GALK2: variants seen among roughly 807,000 people sequenced by gnomAD.
GALK2 encodes N-acetylgalactosamine kinase.
GALK2 carries 36 observed loss-of-function variants against 52.4 expected under a neutral mutation model. The ratio of observed to expected loss-of-function variants is 0.69; its 90% CI spans 0.53 to 0.91. The LOEUF (loss-of-function observed/expected upper bound fraction) is 0.91, where lower values mean the gene tolerates loss of function less well. Among genes scored for constraint, GALK2 ranks in the 40% least tolerant of loss-of-function variants. The pLI, the probability that GALK2 is intolerant of heterozygous loss-of-function variation, is 0.00. For synonymous variants in GALK2, 176 were observed against 199.1 expected (o/e 0.88, Z 0.98); for missense variants, 579 against 559.1 (o/e 1.04, Z -0.36).
At chr15:49,166,437 G>A (rs1486754082), upstream of GALK2, among the ~76,000 whole-genome samples, 1 of 152,114 alleles carries the variant, frequency 6.6e-6, no homozygotes, top group Non-Finnish European at 1.5e-5. Context: ...AAGAATAAGG[G>A]GCCGGGTGCA....
At chr15:49,179,574 C>T (rs2141212909) in intron 1 of GALK2, among the ~76,000 whole-genome samples, 1 of 151,878 alleles carries the variant, frequency 6.6e-6, no homozygotes, top group Admixed American at 6.6e-5. Flanking sequence ...TATTAAAGTC[C>T]ATTTCATTCA....
chr15:49,258,841 A>T (rs2091946147), intron 5 of GALK2, among the ~76,000 whole-genome samples: 2 of 149,164 alleles, frequency 1.3e-5, no homozygotes, highest in African/African-American at 5.0e-5. Context: ...AGAGAGAGAG[A>T]GAGAGAGAGA....
At chr15:49,176,114 G>A (rs771023959) in intron 1 of GALK2, among the ~76,000 whole-genome samples, 35 of 152,368 alleles carry the variant, frequency 2.3e-4, no homozygotes, top group Middle Eastern at 3.4e-3. Flanking sequence ...AGATTTATCA[G>A]GCCCAGAGAG....
At position 49,239,172 on chromosome 15, in the gene GALK2, C is replaced by T. The variant is rs1045874340; in HGVS notation, c.358-49C>T. On this transcript the variant is annotated intron_variant, in intron 4 of 9. Coordinates refer to ENST00000560031, the MANE Select transcript of GALK2 (RefSeq NM_002044.4). ...GGAATGAAAGAAGCTTTCACTACTCCTTGAATTCAATACTGAATTACTGTT... is the reference window on the plus strand; with the variant it reads ...GGAATGAAAGAAGCTTTCACTACTCTTTGAATTCAATACTGAATTACTGTT... The T allele has an allele frequency of 5.8e-6, 9 of 1,555,324 alleles. No individual in the cohort carries two copies. The African/African-American group carries it at 1.2e-4, about 21-fold the overall frequency.
chr15:49,169,234 C>G (rs543072497), upstream of GALK2: 406 of 152,154 alleles, frequency 2.7e-3, 3 homozygotes, highest in Non-Finnish European at 4.8e-3. Flanking sequence ...GCTACTACCC[C>G]TAGTGTGTTG....
intron 3 of GALK2, among the ~76,000 whole-genome samples, chr15:49,354,590 G>T (rs985355966): frequency 1.3e-5 from 2 of 152,184 alleles, no homozygotes; most frequent in African/African-American, 2.4e-5. Context: ...TGGCTGGAAG[G>T]GTCCTACGCC....
intron 6 of GALK2, 74 bp from the exon 7 acceptor site, chr15:49,283,492 A>G: frequency 7.6e-7 from 1 of 1,315,516 alleles, no homozygotes; most frequent in Non-Finnish European, 1.1e-6. Context: ...ACACTTTAAG[A>G]TAAATACATA....
At chr15:49,230,559 A>G (rs967648665) in intron 3 of GALK2, among the ~76,000 whole-genome samples, 3 of 152,064 alleles carry the variant, frequency 2.0e-5, no homozygotes, top group South Asian at 2.1e-4. Context: ...GTTCTTCTTT[A>G]TGGAGGAGGC....
chr15:49,292,438 CT>C lies in GALK2; in HGVS notation c.870del (p.His291IlefsTer26). On this transcript the variant is annotated frameshift_variant, in exon 8 of 10. Transcript: ENST00000560031. LOFTEE classifies it high-confidence loss of function. Reference protein sequence around the residue: ...EEMLLVTEDALHPEPYNPEEI... With the variant: ...EEMLLVTEDAXHPEPYNPEEI... ...AATGCTGTTGGTCACAGAAGATGCC[CT>C]TCATCCTGAACCCTATAACCCTGAG... 1 of 1,614,018 alleles carries C rather than the reference CT, an allele frequency of 6.2e-7. No individual in the cohort carries two copies. Among genetic ancestry groups the C allele is most frequent in the Non-Finnish European group, 8.5e-7 (1 of 1,179,952 alleles).
intron 5 of GALK2, among the ~76,000 whole-genome samples, chr15:49,240,184 T>G (rs1382953485): frequency 6.6e-6 from 1 of 152,180 alleles, no homozygotes; most frequent in Non-Finnish European, 1.5e-5. Flanking sequence ...TGTGTAAGTG[T>G]ACATTAATTA....
At chr15:49,225,684 C>T (rs935723649) in intron 3 of GALK2, among the ~76,000 whole-genome samples, 2 of 152,244 alleles carry the variant, frequency 1.3e-5, no homozygotes, top group African/African-American at 4.8e-5. Flanking sequence ...TTTCACTCCT[C>T]TCTGTCTTCT....
chr15:49,291,893 T>C (rs561975119), intron 7 of GALK2, among the ~76,000 whole-genome samples: 64 of 152,304 alleles, frequency 4.2e-4, no homozygotes, highest in Non-Finnish European at 8.2e-4. Flanking sequence ...AGTACCCTAA[T>C]TGGATGTACA....
At chr15:49,317,994 C>T (rs901521775) in intron 8 of GALK2, 4 of 151,878 alleles carry the variant, frequency 2.6e-5, no homozygotes, top group African/African-American at 9.7e-5. Context: ...ACCACCATGG[C>T]ATGGTATATC....
rs780775645 is a variant in GALK2 at position 49,328,074 on chromosome 15, G to A, written c.1292G>A (p.Arg431Lys). 65 of 1,614,076 alleles carry A rather than the reference G, an allele frequency of 4.0e-5. No homozygotes were observed. Among genetic ancestry groups the A allele is most frequent in the African/African-American group, 5.3e-5 (4 of 75,026 alleles). ...LANVHKAYYQ[R>K]SDGSLAPEKQ... ...AATGTGCACAAAGCTTATTACCAGA[G>A]GAGTGATGGAAGCTTAGCACCGGAG... is the stretch of plus-strand genomic sequence containing the variant. The change falls in exon 10 of 10, where the codon AGG becomes AAG. Residue 431 changes from arginine (R) to lysine (K), a missense_variant. Transcript: ENST00000560031.
chr15:49,180,338 TG>T (rs2085861839), intron 1 of GALK2, among the ~76,000 whole-genome samples: 1 of 152,212 alleles, frequency 6.6e-6, no homozygotes, highest in Admixed American at 6.5e-5. Context: ...ACCAGCAAAG[TG>T]GGAGTTGTAC....
intron 3 of GALK2, among the ~76,000 whole-genome samples, chr15:49,227,038 T>A (rs1205807495): frequency 1.3e-5 from 2 of 152,200 alleles, no homozygotes; most frequent in Non-Finnish European, 2.9e-5. Flanking sequence ...TTGTTATGTG[T>A]CCTAACATAT....
At chr15:49,163,510 T>C (rs1165413739) in intron 1 of GALK2, among the ~76,000 whole-genome samples, 3 of 152,328 alleles carry the variant, frequency 2.0e-5, no homozygotes, top group Middle Eastern at 3.4e-3. Context: ...TCGTGTATAG[T>C]GTGAATGAAT....
In GALK2 at chr15:49,328,186, TACTTAGGGC is replaced by T. The variant is rs1255520023; in HGVS notation, c.*35_*43del. The T allele has an allele frequency of 6.3e-7, 1 of 1,593,158 alleles. No individual in the cohort carries two copies. The highest frequency in any genetic ancestry group is 8.6e-7 in the Non-Finnish European group (1 of 1,167,930). On this transcript the variant is annotated 3_prime_UTR_variant, in exon 10 of 10. Transcript: ENST00000560031. ...AAAATGTAAAAAGTCTGAGAGAAAC[TACTTAGGGC>T]ACTTAGGAATTGGCAGGACTTTCTG...
intron 3 of GALK2, among the ~76,000 whole-genome samples, chr15:49,337,133 G>C (rs1005269481): frequency 1.3e-5 from 2 of 152,156 alleles, no homozygotes; most frequent in Non-Finnish European, 1.5e-5. Flanking sequence ...TTGCTATTGT[G>C]AATAGTGCTG....
Sources: gnomAD v4.1 joint callset for allele counts (sites outside exome capture counted in the v4.1 genomes callset) on GRCh38, gnomAD v4.1.1 for gene constraint, MANE v1.5 for transcripts, NCBI Gene and HGNC (gene_info 2026-07-23, HGNC 2026-07-21) for gene names.